The following PRKAR1B variants were observed in gnomAD, a reference collection of about 807,000 sequenced individuals.
The protein encoded by PRKAR1B is protein kinase cAMP-dependent type I regulatory subunit beta.
Under a neutral mutation model 46.5 loss-of-function variants are expected in PRKAR1B, and 22 were observed. The observed-to-expected ratio is 0.47, with a 90% CI of 0.34 to 0.68. The LOEUF (loss-of-function observed/expected upper bound fraction) is 0.68. PRKAR1B is among the 30% of genes least tolerant of loss of function. PRKAR1B has a pLI of 0.01. For missense variants in PRKAR1B, 445 were observed against 535.6 expected, an observed-to-expected ratio of 0.83 and a Z score of 1.67; for synonymous variants, 259 against 217.7, an observed-to-expected ratio of 1.19 and a Z score of -1.67.
chr7:623,583 T>A (rs1783225306), intron 4 of PRKAR1B, among the ~76,000 whole-genome samples: 1 of 152,204 alleles, frequency 6.6e-6, no homozygotes, highest in Non-Finnish European at 1.5e-5. Flanking sequence ...AACAATCCTG[T>A]TAGGTCAGTG....
At chr7:630,097 C>T (rs1209043285) in intron 4 of PRKAR1B, among the ~76,000 whole-genome samples, 2 of 152,258 alleles carry the variant, frequency 1.3e-5, no homozygotes, top group African/African-American at 4.8e-5. Flanking sequence ...TACTTGTTTT[C>T]TTTCCACGGC....
chr7:662,923 A>C (rs1785693986), intron 4 of PRKAR1B, among the ~76,000 whole-genome samples: 1 of 152,056 alleles, frequency 6.6e-6, no homozygotes, highest in Non-Finnish European at 1.5e-5. Flanking sequence ...CCTGTTCATC[A>C]CCCTCTTCCT....
chr7:678,320 A>G (rs191581056), intron 3 of PRKAR1B, among the ~76,000 whole-genome samples: 50 of 152,356 alleles, frequency 3.3e-4, no homozygotes, highest in Non-Finnish European at 6.0e-4. Flanking sequence ...ACAGTAAAAA[A>G]TATGGTATCA....
chr7:649,385 A>T (rs1255276130), intron 4 of PRKAR1B, among the ~76,000 whole-genome samples: 1 of 152,204 alleles, frequency 6.6e-6, no homozygotes, highest in African/African-American at 2.4e-5. Flanking sequence ...CTGTGAACAC[A>T]AGGTTATAAG....
At chr7:576,639 C>T (rs925350147) in intron 9 of PRKAR1B, among the ~76,000 whole-genome samples, 2 of 151,748 alleles carry the variant, frequency 1.3e-5, no homozygotes, top group Non-Finnish European at 2.9e-5. Flanking sequence ...CGAGACCTGC[C>T]TTGGTGCTTC....
intron 3 of PRKAR1B, among the ~76,000 whole-genome samples, chr7:678,775 T>A (rs1032462669): frequency 1.3e-5 from 2 of 152,212 alleles, no homozygotes; most frequent in Non-Finnish European, 1.5e-5. Context: ...CCACTCCAGT[T>A]CTAACAGACT....
chr7:673,045 TAAAAA>T (rs992683667), intron 4 of PRKAR1B, among the ~76,000 whole-genome samples: 6 of 26,548 alleles, frequency 2.3e-4, no homozygotes, highest in South Asian at 3.6e-3. Flanking sequence ...GCCTTGTCTT[TAAAAA>T]AAAAAAAAAA....
At chr7:616,146 C>G (rs1210843560) in intron 4 of PRKAR1B, among the ~76,000 whole-genome samples, 1 of 152,182 alleles carries the variant, frequency 6.6e-6, no homozygotes, top group African/African-American at 2.4e-5. Flanking sequence ...TGGGTCTCAG[C>G]CCCTCTTGGC....
chr7:673,586 T>G (rs1055485351), intron 4 of PRKAR1B, among the ~76,000 whole-genome samples: 3 of 151,280 alleles, frequency 2.0e-5, no homozygotes, highest in African/African-American at 7.3e-5. Context: ...GAGGCAGAGC[T>G]TGCAGTGAGC....
chr7:647,389 C>A (rs969137288), intron 4 of PRKAR1B, among the ~76,000 whole-genome samples: 2 of 152,098 alleles, frequency 1.3e-5, no homozygotes, highest in Non-Finnish European at 2.9e-5. Context: ...GTAGCCTCCT[C>A]GTCCTCTCCC....
chr7:645,262 G>A (rs1457413359), intron 4 of PRKAR1B, among the ~76,000 whole-genome samples: 3 of 152,196 alleles, frequency 2.0e-5, no homozygotes, highest in Non-Finnish European at 2.9e-5. Context: ...CGCGGCAGGA[G>A]GGATCCAGGT....
chr7:677,123 GCCAGGGAGGGAGGCAGTGATGC>G, intron 4 of PRKAR1B, 84 bp downstream of exon 4: 1 of 1,080,508 alleles, frequency 9.3e-7, no homozygotes, highest in Non-Finnish European at 1.4e-6. Context: ...CCTCCTGGAG[GCCAGGGAGGGAGGCAGTGATGC>G]CCAGGCAAGT....
At chr7:609,565 C>T (rs1782356956) in intron 4 of PRKAR1B, among the ~76,000 whole-genome samples, 1 of 152,242 alleles carries the variant, frequency 6.6e-6, no homozygotes, top group South Asian at 2.1e-4. Flanking sequence ...CGTGACCACA[C>T]GTGTGCACCC....
intron 4 of PRKAR1B, among the ~76,000 whole-genome samples, chr7:637,572 G>A (rs565051042): frequency 9.9e-5 from 15 of 152,146 alleles, no homozygotes; most frequent in South Asian, 4.2e-4. Context: ...GGTGGCTCAC[G>A]CCTGTGATCC....
In PRKAR1B at chr7:560,387, AAT is replaced by A. The variant is rs1191294901; in HGVS notation, c.892-8919_892-8918del. On this transcript the variant is annotated intron_variant, in intron 9 of 10. Coordinates refer to ENST00000537384, the MANE Select transcript of PRKAR1B (RefSeq NM_001164760.2). This position sits in a 1 kb window ranked among gnomAD's most constrained non-coding sequence, Gnocchi z 4.2. ...TAATAATAATAATAATAATAATAAT[AAT>A]AAATATATTTTAAAAGAAACTTTGT... 1.1e-3 allele frequency among the ~76,000 whole-genome samples: 164 copies of A among 149,944 alleles called. No individual in the cohort carries two copies. Among genetic ancestry groups the A allele is most frequent in the African/African-American group, 3.6e-3 (146 of 41,126 alleles).
intron 8 of PRKAR1B, among the ~76,000 whole-genome samples, chr7:580,744 C>CAAAAAAAAA (rs754143077): frequency 1.7e-5 from 2 of 117,346 alleles, no homozygotes; most frequent in African/African-American, 3.0e-5. Flanking sequence ...TCTTTTTTGA[C>CAAAAAAAAA]AAAAAAAAAA....
chr7:711,185 T>C, intron 2 of PRKAR1B, 144 bp downstream of exon 2: 1 of 1,180,030 alleles, frequency 8.5e-7, no homozygotes, highest in South Asian at 1.5e-5. Flanking sequence ...CTCCCCGCGC[T>C]TCTGGAAGGA....
intron 4 of PRKAR1B, among the ~76,000 whole-genome samples, chr7:655,835 C>T (rs1435983594): frequency 6.6e-6 from 1 of 152,148 alleles, no homozygotes; most frequent in East Asian, 1.9e-4. Flanking sequence ...GTGAGTCTCT[C>T]CAACCTCAGT....
chr7:717,493 C>CA (rs1350165753), intron 1 of PRKAR1B, among the ~76,000 whole-genome samples: 1 of 151,706 alleles, frequency 6.6e-6, no homozygotes, highest in Non-Finnish European at 1.5e-5. Context: ...CCTGTCTCTA[C>CA]AAAAAAATAC....
Sources: allele counts gnomAD v4.1 joint callset (sites outside exome capture counted in the v4.1 genomes callset), GRCh38; gene constraint gnomAD v4.1.1; non-coding constraint Gnocchi (gnomAD v3.1); transcripts MANE v1.5; gene names NCBI Gene and HGNC (gene_info 2026-07-23, HGNC 2026-07-21).